The following LITAF variants were observed in gnomAD, a reference collection of about 807,000 sequenced individuals.
LITAF encodes lipopolysaccharide induced TNF factor.
Under a neutral mutation model 14.5 loss-of-function variants are expected in LITAF, and 9 were observed. That is an observed-to-expected ratio of 0.62 (90% CI 0.37 to 1.08). LITAF has a LOEUF of 1.08. Among genes scored for constraint, LITAF ranks in the 50% least tolerant of loss-of-function variants. The pLI is 0.01. For synonymous variants in LITAF, 98 were observed against 88.2 expected (o/e 1.11, Z -0.62); for missense variants, 206 against 213.4 (o/e 0.97, Z 0.22).
chr16:11,572,338 C>G (rs185007943), intron 1 of LITAF, among the ~76,000 whole-genome samples: 1 of 152,038 alleles, frequency 6.6e-6, no homozygotes, highest in African/African-American at 2.4e-5. Context: ...GACAACACCC[C>G]GAGTCCTCAT....
In LITAF at chr16:11,548,588, CTTT is replaced by C. The variant is rs71778957; in HGVS notation, c.*1046_*1048del. The stretch of plus-strand genomic sequence containing the variant: ...TAGATGAAATTATCCATTTCTTTTT[CTTT>C]TTTTTTTTTTTAAGTGAGACTACAT... On this transcript the variant is annotated 3_prime_UTR_variant, in exon 4 of 4. Transcript: ENST00000622633. 1.1e-4 allele frequency: 46 copies of C among 421,848 alleles called. No individual in the cohort carries two copies. Among genetic ancestry groups the C allele is most frequent in the Admixed American group, 1.9e-4 (7 of 36,372 alleles). 26.1% of individuals were successfully genotyped at this position (421,848 alleles called of 1,614,324 possible).
intron 1 of LITAF, among the ~76,000 whole-genome samples, chr16:11,563,433 AGTCACCAC>A (rs2064404265): frequency 6.6e-6 from 1 of 152,116 alleles, no homozygotes; most frequent in Non-Finnish European, 1.5e-5. Context: ...TACAGGCGTG[AGTCACCAC>A]GCCTGGCCAG....
At chr16:11,578,529 C>A (rs781287899) in intron 1 of LITAF, among the ~76,000 whole-genome samples, 2 of 152,158 alleles carry the variant, frequency 1.3e-5, no homozygotes, top group Non-Finnish European at 2.9e-5. Context: ...AAAACTCCAT[C>A]TATGAAAAGG....
Position 11,553,673 on chromosome 16 carries a change from G to A in LITAF, c.237C>T (p.Val79=). ...PNNNPITVQT[V]YVQHPITFLD... is the part of the protein sequence containing the mutation. ...AAAAGGTGATGGGGTGCTGCACGTA[G>A]ACCGTCTGCACGGTAACTGATGAAA... The change falls in exon 3 of 4, where the codon GTC becomes GTT. Residue 79 remains valine, a synonymous_variant. Coordinates refer to ENST00000622633, the MANE Select transcript of LITAF (RefSeq NM_001136472.2). The surrounding 1 kb of genome is among the most constrained non-coding windows in gnomAD (Gnocchi z 7.7). 2 of 1,614,176 alleles carry A rather than the reference G, an allele frequency of 1.2e-6. No homozygotes were observed. The highest frequency in any genetic ancestry group is 2.2e-5 in the East Asian group (1 of 44,888).
chr16:11,630,708 AG>A (rs1230108193), intron 3 of LITAF, among the ~76,000 whole-genome samples: 2 of 151,570 alleles, frequency 1.3e-5, no homozygotes, highest in African/African-American at 2.4e-5. Context: ...CTTCCTAGAT[AG>A]CTGGGACTAC....
chr16:11,610,661 G>A (rs2064977590), intron 3 of LITAF, among the ~76,000 whole-genome samples: 1 of 152,204 alleles, frequency 6.6e-6, no homozygotes, highest in African/African-American at 2.4e-5. Flanking sequence ...CCATCGCCCA[G>A]TGGTCATAAT....
At position 11,549,749 on chromosome 16, in the gene LITAF, G is replaced by A; in HGVS notation, c.378-4C>T. ...GAAGCAGCAGCCCGCTATGCACCTG[G>A]GAGGAGAGAGAGACACACGGAGCGC... On this transcript the variant is annotated splice_region_variant and splice_polypyrimidine_tract_variant and intron_variant, in intron 3 of 3. Coordinates refer to ENST00000622633, the MANE Select transcript of LITAF (RefSeq NM_001136472.2). This position sits in a 1 kb window ranked among gnomAD's most constrained non-coding sequence, Gnocchi z 4.6. 1.9e-6 allele frequency: 3 copies of A among 1,610,468 alleles called. No homozygotes were observed. Among genetic ancestry groups the A allele is most frequent in the Non-Finnish European group, 2.5e-6 (3 of 1,177,846 alleles).
rs1254382445 is a variant in LITAF, at chr16:11,549,009, T to G, written c.*628A>C. Reference sequence around the variant, plus strand: ...TTTTTCTAGCATGCATTTACGACCTTGTGGATATGTCTGTACTGGGTGTTA... The same window carrying G: ...TTTTTCTAGCATGCATTTACGACCTGGTGGATATGTCTGTACTGGGTGTTA... On this transcript the variant is annotated 3_prime_UTR_variant, in exon 4 of 4. Coordinates refer to ENST00000622633, the MANE Select transcript of LITAF (RefSeq NM_001136472.2). The surrounding 1 kb of genome is among the most constrained non-coding windows in gnomAD (Gnocchi z 4.6). 3 of 453,682 alleles carry G rather than the reference T, an allele frequency of 6.6e-6. No homozygotes were observed. The highest frequency in any genetic ancestry group is 6.0e-5 in the African/African-American group (3 of 49,876). The allele number at this position is 453,682 out of a possible 1,614,324, so 28.1% of individuals were successfully genotyped here.
intron 3 of LITAF, among the ~76,000 whole-genome samples, chr16:11,619,323 C>CA (rs577769909): frequency 1.6e-3 from 212 of 135,802 alleles, no homozygotes; most frequent in East Asian, 3.2e-3. Flanking sequence ...AAACAAAAAA[C>CA]AAAAAAAAAA....
chr16:11,589,115 T>C (rs1190665908), upstream of LITAF, among the ~76,000 whole-genome samples: 1 of 152,202 alleles, frequency 6.6e-6, no homozygotes, highest in Non-Finnish European at 1.5e-5. Context: ...AACTCTTTTC[T>C]TTGATCCCCA....
intron 1 of LITAF, among the ~76,000 whole-genome samples, chr16:11,573,733 G>A (rs1264564166): frequency 8.4e-6 from 1 of 118,440 alleles, no homozygotes; most frequent in East Asian, 2.2e-4. Context: ...TAGGAGTCTT[G>A]CTCTGTTGCC....
intron 3 of LITAF, among the ~76,000 whole-genome samples, chr16:11,610,017 C>CA (rs1287710829): frequency 6.6e-6 from 1 of 152,210 alleles, no homozygotes; most frequent in East Asian, 1.9e-4. Flanking sequence ...TCCCTATGGC[C>CA]ACCAATCTCT....
intron 1 of LITAF, among the ~76,000 whole-genome samples, chr16:11,576,235 G>A (rs565524917): frequency 6.6e-6 from 1 of 152,022 alleles, no homozygotes; most frequent in African/African-American, 2.4e-5. Flanking sequence ...TTGGGAGGCC[G>A]AGGCGGGTGA....
rs901689257 is a variant in LITAF, at chr16:11,549,186, T to C, written c.*451A>G. The C allele has an allele frequency of 4.4e-6, 2 of 454,238 alleles. No individual in the cohort carries two copies. The highest frequency in any genetic ancestry group is 4.4e-6 in the Non-Finnish European group (1 of 226,794). The allele number at this position is 454,238 out of a possible 1,614,324, so 28.1% of individuals were successfully genotyped here. A position where few individuals can be genotyped will look rare whatever the true frequency, so the allele number is the denominator to read the frequency against. On this transcript the variant is annotated 3_prime_UTR_variant, in exon 4 of 4. Coordinates refer to ENST00000622633, the MANE Select transcript of LITAF (RefSeq NM_001136472.2). The surrounding 1 kb of genome is among the most constrained non-coding windows in gnomAD (Gnocchi z 4.6). ...CAGGGACGGGAAGAGACGGATAAGA[T>C]AATGGTAGGCACTAAAGGCTGGTTC...
intron 3 of LITAF, among the ~76,000 whole-genome samples, chr16:11,610,574 A>G (rs1347412760): frequency 6.6e-6 from 1 of 152,176 alleles, no homozygotes; most frequent in Non-Finnish European, 1.5e-5. Context: ...GTGCCTTCCC[A>G]GAGTGCTCAG....
intron 3 of LITAF, among the ~76,000 whole-genome samples, chr16:11,622,554 C>G (rs1349209547): frequency 6.6e-6 from 1 of 152,192 alleles, no homozygotes; most frequent in African/African-American, 2.4e-5. Context: ...CTACACAACC[C>G]CCTTCTTTCC....
chr16:11,615,436 C>G (rs2065013099), intron 3 of LITAF, among the ~76,000 whole-genome samples: 1 of 152,004 alleles, frequency 6.6e-6, no homozygotes, highest in South Asian at 2.1e-4. Flanking sequence ...ACTCAGGAGG[C>G]TGAGGCAGGA....
intron 1 of LITAF, among the ~76,000 whole-genome samples, chr16:11,583,420 T>C (rs1011906222): frequency 6.6e-6 from 1 of 152,178 alleles, no homozygotes; most frequent in African/African-American, 2.4e-5. Context: ...AATCACAGTT[T>C]TTCATCAAAC....
intron 3 of LITAF, among the ~76,000 whole-genome samples, chr16:11,616,968 C>A (rs939849652): frequency 3.3e-5 from 5 of 150,766 alleles, no homozygotes; most frequent in Admixed American, 6.6e-5. Flanking sequence ...ATCTGTAATC[C>A]CAACACTTTG....
Sources: gnomAD v4.1 joint callset for allele counts (sites outside exome capture counted in the v4.1 genomes callset) on GRCh38, gnomAD v4.1.1 for gene constraint, Gnocchi (gnomAD v3.1) non-coding constraint, MANE v1.5 for transcripts, NCBI Gene and HGNC (gene_info 2026-07-23, HGNC 2026-07-21) for gene names.